The following SNX3 variants were observed in gnomAD, a reference collection of about 807,000 sequenced individuals.
The protein encoded by SNX3 is sorting nexin 3.
Under a neutral mutation model 17.7 loss-of-function variants are expected in SNX3, and 5 were observed. The ratio of observed to expected loss-of-function variants is 0.28; its 90% CI spans 0.15 to 0.59. The LOEUF is 0.59. Among genes scored for constraint, SNX3 ranks in the 20% least tolerant of loss-of-function variants. SNX3 has a pLI of 0.88. For synonymous variants in SNX3, 91 were observed against 76.5 expected (o/e 1.19, Z -0.99); for missense variants, 132 against 206.8 (o/e 0.64, Z 2.22).
intron 1 of SNX3, among the ~76,000 whole-genome samples, chr6:108,225,806 T>C (rs1171243481): frequency 6.6e-6 from 1 of 151,872 alleles, no homozygotes; most frequent in East Asian, 1.9e-4. Flanking sequence ...GAGGCTGAGA[T>C]GGGAGGACTG....
chr6:108,236,332 T>TTA lies in SNX3; in HGVS notation c.163-13289_163-13288dup, dbSNP rs199598810. 3.1e-3 allele frequency among the ~76,000 whole-genome samples: 460 copies of TTA among 148,638 alleles called. No homozygotes were observed. The Middle Eastern group carries it at 0.038, about 12-fold the overall frequency. ...ACCCTGTCTCTCTCTCTACCTCTCT[T>TTA]TATATATATATATATAAAACAGTTT... On this transcript the variant is annotated intron_variant, in intron 1 of 3. Coordinates refer to ENST00000230085, the MANE Select transcript of SNX3 (RefSeq NM_003795.6).
At chr6:108,223,975 G>A (rs1398790302) in intron 1 of SNX3, among the ~76,000 whole-genome samples, 1 of 152,126 alleles carries the variant, frequency 6.6e-6, no homozygotes, top group African/African-American at 2.4e-5. Context: ...GCTAGCTCTT[G>A]ACTATTCTCC....
chr6:108,214,753 G>A (rs1440093381), intron 2 of SNX3, 131 bp from the exon 3 acceptor site: 1 of 927,318 alleles, frequency 1.1e-6, no homozygotes, highest in Non-Finnish European at 1.6e-6. Flanking sequence ...AAATATAAAA[G>A]AGCAAAAAAT....
At chr6:108,242,617 A>T (rs962329810) in intron 1 of SNX3, among the ~76,000 whole-genome samples, 5 of 152,046 alleles carry the variant, frequency 3.3e-5, no homozygotes, top group African/African-American at 1.2e-4. Flanking sequence ...TGGCATACAC[A>T]CCTCCCCTAG....
chr6:108,223,968 A>C (rs936459647), intron 1 of SNX3, among the ~76,000 whole-genome samples: 1 of 152,164 alleles, frequency 6.6e-6, no homozygotes, highest in African/African-American at 2.4e-5. Context: ...AAAAAAGGCT[A>C]GCTCTTGACT....
chr6:108,243,648 G>C (rs1775591849), intron 1 of SNX3, among the ~76,000 whole-genome samples: 1 of 152,148 alleles, frequency 6.6e-6, no homozygotes, highest in Non-Finnish European at 1.5e-5. Context: ...TCCACATGAA[G>C]AGCCAGGCTT....
At chr6:108,228,275 G>A (rs930097551) in intron 1 of SNX3, among the ~76,000 whole-genome samples, 10 of 152,196 alleles carry the variant, frequency 6.6e-5, no homozygotes, top group South Asian at 4.1e-4. Context: ...CAGGCTGGGC[G>A]TGGTGGCTCA....
intron 1 of SNX3, among the ~76,000 whole-genome samples, chr6:108,237,820 G>A (rs1184562048): frequency 6.6e-6 from 1 of 151,478 alleles, no homozygotes; most frequent in Non-Finnish European, 1.5e-5. Context: ...ATGATGGGCT[G>A]GGTGTAGTGG....
At chr6:108,229,785 G>C (rs974718910) in intron 1 of SNX3, among the ~76,000 whole-genome samples, 12 of 152,134 alleles carry the variant, frequency 7.9e-5, no homozygotes. Context: ...TATAATTCTT[G>C]AATATTCTAA....
chr6:108,250,249 T>C (rs1448090077), intron 1 of SNX3, among the ~76,000 whole-genome samples: 1 of 152,116 alleles, frequency 6.6e-6, no homozygotes, highest in Non-Finnish European at 1.5e-5. Flanking sequence ...GCCTTTTGAT[T>C]TCCATTATTT....
chr6:108,217,906 C>T (rs1774639038), intron 2 of SNX3, among the ~76,000 whole-genome samples: 1 of 152,100 alleles, frequency 6.6e-6, no homozygotes, highest in African/African-American at 2.4e-5. Context: ...GACCATAATA[C>T]ATGTCAGCTA....
At chr6:108,228,055 T>C (rs17069405) in intron 1 of SNX3, among the ~76,000 whole-genome samples, 2,790 of 152,222 alleles carry the variant, frequency 0.018, 99 homozygotes, top group African/African-American at 0.065. Context: ...CTGGCCCTTA[T>C]GAAACATACA....
At chr6:108,216,297 A>G (rs1179349761) in intron 2 of SNX3, among the ~76,000 whole-genome samples, 3 of 152,158 alleles carry the variant, frequency 2.0e-5, no homozygotes, top group Non-Finnish European at 4.4e-5. Flanking sequence ...CCAGGCTGGC[A>G]TTCTTTTCTT....
intron 1 of SNX3, among the ~76,000 whole-genome samples, chr6:108,234,238 C>CATACATATAT (rs1554262058): frequency 6.7e-6 from 1 of 148,182 alleles, no homozygotes; most frequent in African/African-American, 2.5e-5. Flanking sequence ...ATATAAAAAA[C>CATACATATAT]ATATATATAT....
In SNX3 at chr6:108,211,886, T is replaced by TAACA; in HGVS notation, c.*259_*262dup. 3.6e-6 allele frequency: 1 copy of TAACA among 276,816 alleles called. No individual in the cohort carries two copies. The highest frequency in any genetic ancestry group is 6.7e-6 in the Non-Finnish European group (1 of 149,182). 17.1% of individuals were successfully genotyped at this position (276,816 alleles called of 1,614,324 possible). The stretch of plus-strand genomic sequence containing the variant: ...TACGACACTGCAGATTACACTGGAA[T>TAACA]AACAGGTTTGTGAGGCTATAGTGTG... On this transcript the variant is annotated 3_prime_UTR_variant, in exon 4 of 4. Transcript: ENST00000230085.
intron 1 of SNX3, among the ~76,000 whole-genome samples, chr6:108,226,752 G>C (rs1045652303): frequency 1.3e-5 from 2 of 152,136 alleles, no homozygotes; most frequent in African/African-American, 4.8e-5. Context: ...AATCCATTTT[G>C]TAGTGGTCTC....
chr6:108,259,249 T>C (rs2114777635), intron 1 of SNX3, among the ~76,000 whole-genome samples: 1 of 152,282 alleles, frequency 6.6e-6, no homozygotes, highest in East Asian at 1.9e-4. Flanking sequence ...TTTATTTATT[T>C]AGAGAAGGGA....
intron 2 of SNX3, among the ~76,000 whole-genome samples, chr6:108,215,092 G>A (rs1300695594): frequency 6.6e-6 from 1 of 152,250 alleles, no homozygotes; most frequent in Non-Finnish European, 1.5e-5. Context: ...GCTCATGCCT[G>A]TAATCCCAGC....
chr6:108,224,093 A>G (rs1774901937), intron 1 of SNX3, among the ~76,000 whole-genome samples: 1 of 151,970 alleles, frequency 6.6e-6, no homozygotes. Context: ...CAAAACCCTA[A>G]CCTATGTCTC....
Sources: gnomAD v4.1 joint callset for allele counts (sites outside exome capture counted in the v4.1 genomes callset) on GRCh38, gnomAD v4.1.1 for gene constraint, MANE v1.5 for transcripts, NCBI Gene and HGNC (gene_info 2026-07-23, HGNC 2026-07-21) for gene names.